SLTM: variants seen among roughly 807,000 people sequenced by gnomAD.
SLTM encodes SAFB like transcription modulator, also known as SAFB-like transcription modulator.
SLTM carries 43 observed loss-of-function variants against 134.6 expected under a neutral mutation model. That is an observed-to-expected ratio of 0.32 (90% CI 0.25 to 0.41). SLTM has a LOEUF of 0.41. SLTM is among the 10% of genes least tolerant of loss of function. The probability of loss-of-function intolerance (pLI) is 1.00; values close to 1 mark genes in which losing one functional copy is unlikely to be tolerated. For missense variants in SLTM, 1,055 were observed against 1,288.8 expected, an observed-to-expected ratio of 0.82 and a Z score of 2.78; for synonymous variants, 424 against 432.3, an observed-to-expected ratio of 0.98 and a Z score of 0.24.
Position 58,889,546 on chromosome 15 carries a change from A to T in SLTM, c.2088T>A (p.Arg696=). ...CTCGAGCAATCCGTTCAGCTTCCTT[A>T]CGACGTTCCTTCAGACAACACAGAA... ...RERIRIEQER[R]KEAERIARER... Residue 696 remains arginine (R), a synonymous_variant, in exon 16 of 21, where the codon CGT becomes CGA. Coordinates refer to ENST00000380516, the MANE Select transcript of SLTM (RefSeq NM_024755.4). 7 of 1,613,954 alleles carry T rather than the reference A, an allele frequency of 4.3e-6. No individual in the cohort carries two copies. Among genetic ancestry groups the T allele is most frequent in the Non-Finnish European group, 5.9e-6 (7 of 1,179,886 alleles).
intron 2 of SLTM, among the ~76,000 whole-genome samples, chr15:58,919,608 C>T (rs2036883992): frequency 6.6e-6 from 1 of 152,020 alleles, no homozygotes; most frequent in Non-Finnish European, 1.5e-5. Flanking sequence ...CCAGCCTGGG[C>T]AACAGAGCGA....
intron 2 of SLTM, among the ~76,000 whole-genome samples, chr15:58,927,875 T>G (rs757390358): frequency 1.3e-5 from 2 of 152,238 alleles, no homozygotes; most frequent in Non-Finnish European, 2.9e-5. Context: ...TATGATACTG[T>G]GTTATATGAA....
At chr15:58,918,908 C>A (rs1232673089) in intron 2 of SLTM, among the ~76,000 whole-genome samples, 7 of 151,746 alleles carry the variant, frequency 4.6e-5, no homozygotes, top group South Asian at 2.1e-4. Flanking sequence ...AAGAAAACTA[C>A]TAAATTCTTT....
In SLTM at chr15:58,883,728, C is replaced by T; in HGVS notation, c.2894G>A (p.Arg965Lys). The change falls in exon 20 of 21, where the codon AGG becomes AAG. Residue 965 changes from arginine to lysine, a missense_variant. Around this residue, in one of 3 missense-constraint regions of SLTM, gnomAD observed 776 missense variants for 962.2 expected, o/e 0.81. Transcript: ENST00000380516. ...AGAGGGTGGACCATGCCACTCTTTC[C>T]TTGGTCCGCTTGTGTCCCGTCCATG... ...ERHGRDTSGPRKEWHGPPSQG... is the reference protein window; with the variant it reads ...ERHGRDTSGPKKEWHGPPSQG... 1 of 1,614,142 alleles carries T rather than the reference C, an allele frequency of 6.2e-7. No individual in the cohort carries two copies. Among genetic ancestry groups the T allele is most frequent in the African/African-American group, 1.3e-5 (1 of 75,030 alleles).
intron 14 of SLTM, among the ~76,000 whole-genome samples, chr15:58,892,520 T>G (rs1238669472): frequency 6.6e-6 from 1 of 152,226 alleles, no homozygotes; most frequent in African/African-American, 2.4e-5. Context: ...ATGTTTTTTA[T>G]GGCAGCAGCT....
chr15:58,918,892 C>A (rs1048443706), intron 2 of SLTM, among the ~76,000 whole-genome samples: 47 of 151,640 alleles, frequency 3.1e-4, no homozygotes, highest in African/African-American at 1.0e-3. Context: ...TGTCCTTTTC[C>A]TGAAAAAGAA....
chr15:58,899,397 C>A lies in SLTM; in HGVS notation c.1058+72G>T. ...TTACTGTACATGTTCTTGAAGCCAC[C>A]CCCTTAATGTAGAGTGATCTTATTG... On this transcript the variant is annotated intron_variant, in intron 7 of 20. Coordinates refer to ENST00000380516, the MANE Select transcript of SLTM (RefSeq NM_024755.4). This position sits in a 1 kb window ranked among gnomAD's most constrained non-coding sequence, Gnocchi z 5.0. 8.2e-7 allele frequency: 1 copy of A among 1,218,428 alleles called. No homozygotes were observed. The allele number at this position is 1,218,428 out of a possible 1,614,324, so 75.5% of individuals were successfully genotyped here.
intron 2 of SLTM, among the ~76,000 whole-genome samples, chr15:58,919,101 C>T (rs777411405): frequency 2.6e-5 from 4 of 152,022 alleles, no homozygotes; most frequent in African/African-American, 4.8e-5. Context: ...TTAGTAGAGA[C>T]GGGGTTTCAC....
In SLTM at chr15:58,912,626, T is replaced by C. The variant is rs772123268; in HGVS notation, c.514-16A>G. On this transcript the variant is annotated splice_polypyrimidine_tract_variant and intron_variant, in intron 4 of 20. Transcript: ENST00000380516. ...CTTCAATTTCCTAAGTAAAAGGGTA[T>C]ACAATAGCTTTGCTTTATAAAATAT... 2 of 1,588,630 alleles carry C rather than the reference T, an allele frequency of 1.3e-6. No homozygotes were observed. Among genetic ancestry groups the C allele is most frequent in the African/African-American group, 2.7e-5 (2 of 74,770 alleles).
At chr15:58,932,877 T>A (rs1447784349) in intron 1 of SLTM, among the ~76,000 whole-genome samples, 2 of 152,220 alleles carry the variant, frequency 1.3e-5, no homozygotes, top group Non-Finnish European at 2.9e-5. Flanking sequence ...ATTGCGCTGA[T>A]GCAAAAACTA....
intron 2 of SLTM, among the ~76,000 whole-genome samples, chr15:58,922,593 TATTA>T (rs1370065909): frequency 4.1e-5 from 6 of 146,224 alleles, no homozygotes; most frequent in Non-Finnish European, 6.0e-5. Flanking sequence ...ATAAAATATA[TATTA>T]TATACGTATA....
intron 19 of SLTM, 121 bp downstream of exon 19, chr15:58,886,853 TC>T: frequency 1.7e-6 from 2 of 1,208,326 alleles, no homozygotes; most frequent in Admixed American, 2.4e-5. Flanking sequence ...AATTAATGCC[TC>T]TGAATCATTC....
intron 2 of SLTM, among the ~76,000 whole-genome samples, chr15:58,925,797 A>C (rs955324616): frequency 1.3e-5 from 2 of 152,238 alleles, no homozygotes; most frequent in Admixed American, 1.3e-4. Context: ...GTGTGCCTAC[A>C]AACACAAGAC....
chr15:58,901,231 C>T, intron 6 of SLTM, 29 bp downstream of exon 6: 1 of 1,569,478 alleles, frequency 6.4e-7, no homozygotes, highest in Non-Finnish European at 8.6e-7. Context: ...TAAATTTTAG[C>T]AATTTTTAAG....
intron 9 of SLTM, among the ~76,000 whole-genome samples, chr15:58,896,662 G>A (rs1349214306): frequency 1.3e-5 from 2 of 152,054 alleles, no homozygotes; most frequent in Non-Finnish European, 2.9e-5. Context: ...TATATAGCCA[G>A]TTTTATATTT....
At chr15:58,924,061 G>A (rs796854414) in intron 2 of SLTM, among the ~76,000 whole-genome samples, 74 of 152,010 alleles carry the variant, frequency 4.9e-4, no homozygotes, top group African/African-American at 1.3e-3. Flanking sequence ...GTGATCCACC[G>A]GCCTCGGCCT....
chr15:58,923,034 C>T (rs28641638), intron 2 of SLTM, among the ~76,000 whole-genome samples: 30,573 of 151,894 alleles, frequency 0.2, 3,403 homozygotes, highest in South Asian at 0.44. Flanking sequence ...TATTTTCTGA[C>T]TGATAATGGA....
rs2038066729 is a variant in SLTM, at chr15:58,933,643, T to C, written c.-78A>G. 2 of 1,381,920 alleles carry C rather than the reference T, an allele frequency of 1.4e-6. No individual in the cohort carries two copies. The highest frequency in any genetic ancestry group is 3.7e-5 in the Admixed American group (1 of 26,698). 85.6% of individuals were successfully genotyped at this position (1,381,920 alleles called of 1,614,324 possible). A position where few individuals can be genotyped will look rare whatever the true frequency, so the allele number is the denominator to read the frequency against. ...AGCAGCGCCAACTTCCACCCAGGCC[T>C]CGGCGGCCGCCGGCGCCGCGCAGCG... On this transcript the variant is annotated 5_prime_UTR_variant, in exon 1 of 21. Transcript: ENST00000380516.
chr15:58,894,775 G>A (rs903583101), intron 9 of SLTM, among the ~76,000 whole-genome samples, 193 bp from the exon 10 acceptor site: 1 of 146,906 alleles, frequency 6.8e-6, no homozygotes, highest in African/African-American at 2.5e-5. Flanking sequence ...TGTGATCTCA[G>A]CTCACTGCAA....
Sources: allele counts gnomAD v4.1 joint callset (sites outside exome capture counted in the v4.1 genomes callset), GRCh38; gene constraint gnomAD v4.1.1; regional missense constraint gnomAD v4.1.1; non-coding constraint Gnocchi (gnomAD v3.1); transcripts MANE v1.5; gene names NCBI Gene and HGNC (gene_info 2026-07-23, HGNC 2026-07-21).